DPF3: variants seen among roughly 807,000 people sequenced by gnomAD.
The protein encoded by DPF3 is zinc finger protein DPF3.
In DPF3, 18 loss-of-function variants were observed where a neutral mutation model predicts 56.8. That is an observed-to-expected ratio of 0.32 (90% CI 0.22 to 0.47). The LOEUF (loss-of-function observed/expected upper bound fraction) is 0.47, where lower values mean the gene tolerates loss of function less well. DPF3 is among the 20% of genes least tolerant of loss of function. The probability of loss-of-function intolerance (pLI) is 1.00; values close to 1 mark genes in which losing one functional copy is unlikely to be tolerated. For synonymous variants in DPF3, 188 were observed against 180.2 expected (o/e 1.04, Z -0.35); for missense variants, 403 against 488.8 (o/e 0.82, Z 1.65).
intron 1 of DPF3, among the ~76,000 whole-genome samples, chr14:72,802,789 A>G (rs1252756376): frequency 6.6e-6 from 1 of 152,214 alleles, no homozygotes; most frequent in Non-Finnish European, 1.5e-5. Flanking sequence ...TGTGAGTGCT[A>G]TTCCTCACGG....
At chr14:72,754,989 TGCTGTTCCTG>T (rs969859834) in intron 2 of DPF3, among the ~76,000 whole-genome samples, 1 of 152,214 alleles carries the variant, frequency 6.6e-6, no homozygotes, top group Non-Finnish European at 1.5e-5. Context: ...CCATTGGCCC[TGCTGTTCCTG>T]GCTCCAGGGG....
chr14:72,693,533 A>G (rs1450370156), intron 6 of DPF3, among the ~76,000 whole-genome samples: 2 of 152,230 alleles, frequency 1.3e-5, no homozygotes, highest in African/African-American at 4.8e-5. Context: ...ATAAAATGGG[A>G]ACAATAACAG....
chr14:72,800,275 CT>C (rs1467762961), intron 1 of DPF3, among the ~76,000 whole-genome samples: 1 of 152,224 alleles, frequency 6.6e-6, no homozygotes, highest in Non-Finnish European at 1.5e-5. Context: ...GCCCCCACCA[CT>C]CCTTATTGTC....
intron 1 of DPF3, among the ~76,000 whole-genome samples, chr14:72,791,659 T>C (rs891936956): frequency 1.3e-5 from 2 of 152,244 alleles, no homozygotes; most frequent in Non-Finnish European, 2.9e-5. Context: ...ATATCATTTG[T>C]TGAGCAACTA....
chr14:72,762,954 T>C (rs1485824634), intron 2 of DPF3, among the ~76,000 whole-genome samples: 3 of 152,076 alleles, frequency 2.0e-5, no homozygotes, highest in East Asian at 3.9e-4. Flanking sequence ...TAATTGTTTT[T>C]CTATATATTA....
At chr14:72,893,741 A>C (rs1201538341) in intron 1 of DPF3, among the ~76,000 whole-genome samples, 1 of 151,766 alleles carries the variant, frequency 6.6e-6, no homozygotes, top group Non-Finnish European at 1.5e-5. Flanking sequence ...GCCGTCCCCG[A>C]GCTCCCGCGA....
intron 2 of DPF3, among the ~76,000 whole-genome samples, chr14:72,770,474 A>G (rs773233642): frequency 4.6e-5 from 7 of 152,232 alleles, no homozygotes; most frequent in Non-Finnish European, 1.0e-4. Flanking sequence ...TTAAAGTCTT[A>G]TTGCTAATTA....
At chr14:72,651,310 A>G (rs1008121698) in intron 8 of DPF3, among the ~76,000 whole-genome samples, 3 of 152,090 alleles carry the variant, frequency 2.0e-5, no homozygotes, top group Admixed American at 2.0e-4. Context: ...CCAGCGACTG[A>G]CCCCTCCCTG....
intron 2 of DPF3, among the ~76,000 whole-genome samples, chr14:72,764,782 C>T (rs112652365): frequency 1.2e-3 from 182 of 152,280 alleles, no homozygotes; most frequent in Non-Finnish European, 2.1e-3. Context: ...TGAGCCACCG[C>T]GCCCGGCCTG....
intron 7 of DPF3, among the ~76,000 whole-genome samples, chr14:72,677,947 C>T (rs1285668803): frequency 6.7e-6 from 1 of 148,798 alleles, no homozygotes; most frequent in African/African-American, 2.5e-5. Flanking sequence ...TGCCTATCCA[C>T]TCAGCTTCCC....
At chr14:72,763,570 C>T (rs11158976) in intron 2 of DPF3, among the ~76,000 whole-genome samples, 33,097 of 151,930 alleles carry the variant, frequency 0.22, 4,085 homozygotes, top group South Asian at 0.3. Context: ...ATACTTTGTA[C>T]CATATACAAA....
rs902212371 is a variant in DPF3 at position 72,617,801 on chromosome 14, G to T, written c.*1496C>A. Among the ~76,000 whole-genome samples the T allele has an allele frequency of 1.3e-5, 2 of 152,176 alleles. No homozygotes were observed. The highest frequency in any genetic ancestry group is 2.9e-5 in the Non-Finnish European group (2 of 68,034). On this transcript the variant is annotated 3_prime_UTR_variant, in exon 11 of 11. Transcript: ENST00000556509. ...TCCGGGAGCGTCCTCAGGAGCTGAAGAACTAAAAATAACCTGGGCCTTTGT... is the reference window on the plus strand; with the variant it reads ...TCCGGGAGCGTCCTCAGGAGCTGAATAACTAAAAATAACCTGGGCCTTTGT...
chr14:72,739,684 C>T (rs900659200), intron 3 of DPF3, among the ~76,000 whole-genome samples: 1 of 152,148 alleles, frequency 6.6e-6, no homozygotes, highest in African/African-American at 2.4e-5. Context: ...AAAGCAGACG[C>T]TGGTGCTGCT....
rs930224663 is a variant in DPF3 at position 72,618,972 on chromosome 14, T to A, written c.*325A>T. 7.2e-5 allele frequency among the ~76,000 whole-genome samples: 11 copies of A among 152,152 alleles called. No homozygotes were observed. The highest frequency in any genetic ancestry group is 6.5e-4 in the Admixed American group (10 of 15,282). On this transcript the variant is annotated 3_prime_UTR_variant, in exon 11 of 11. Coordinates refer to ENST00000556509, the MANE Select transcript of DPF3 (RefSeq NM_001280542.3). ...AATGGATGAGTGGTCAGGAAATGGCTTCCCTTAAAATGGGAACCAATGAGA... is the reference window on the plus strand; with the variant it reads ...AATGGATGAGTGGTCAGGAAATGGCATCCCTTAAAATGGGAACCAATGAGA...
intron 8 of DPF3, among the ~76,000 whole-genome samples, chr14:72,649,666 G>GC (rs946342668): frequency 7.7e-6 from 1 of 129,598 alleles, no homozygotes; most frequent in African/African-American, 2.8e-5. Context: ...TGGGTGGGGG[G>GC]GGGGATTAAT....
At chr14:72,695,434 A>G (rs549640601) in intron 6 of DPF3, among the ~76,000 whole-genome samples, 2 of 152,330 alleles carry the variant, frequency 1.3e-5, no homozygotes, top group South Asian at 4.1e-4. Context: ...TTAAGGTAAG[A>G]TGAGAGTCTG....
chr14:72,672,587 T>C (rs1886736182), intron 8 of DPF3, among the ~76,000 whole-genome samples: 1 of 152,226 alleles, frequency 6.6e-6, no homozygotes, highest in South Asian at 2.1e-4. Flanking sequence ...TGGTAGAAAA[T>C]GGCTCCCTGA....
At chr14:72,723,579 C>T (rs752950959) in intron 5 of DPF3, 54 bp downstream of exon 5, 84 of 1,445,884 alleles carry the variant, frequency 5.8e-5, no homozygotes, top group South Asian at 1.3e-4. Flanking sequence ...AATCGTTGGC[C>T]GGGCACCCCA....
intron 2 of DPF3, among the ~76,000 whole-genome samples, chr14:72,762,134 C>G (rs554504997): frequency 2.6e-5 from 4 of 151,696 alleles, no homozygotes; most frequent in African/African-American, 9.7e-5. Context: ...AGAAATAATA[C>G]CAATTCTATA....
Sources: allele counts gnomAD v4.1 joint callset (sites outside exome capture counted in the v4.1 genomes callset), GRCh38; gene constraint gnomAD v4.1.1; transcripts MANE v1.5; gene names NCBI Gene and HGNC (gene_info 2026-07-23, HGNC 2026-07-21).